The following TAF1 variants were observed in gnomAD, a reference collection of about 807,000 sequenced individuals.
TAF1 encodes the protein transcription initiation factor TFIID subunit 1.
TAF1 carries 2 observed loss-of-function variants against 138.5 expected under a neutral mutation model. The ratio of observed to expected loss-of-function variants is 0.01; its 90% CI spans 0.01 to 0.05. The LOEUF (loss-of-function observed/expected upper bound fraction) is 0.05, where lower values mean the gene tolerates loss of function less well. TAF1 is among the 10% of genes least tolerant of loss of function. The pLI is 1.00. For missense variants in TAF1, 709 were observed against 1,478.0 expected, an observed-to-expected ratio of 0.48 and a Z score of 8.53; for synonymous variants, 437 against 503.2, an observed-to-expected ratio of 0.87 and a Z score of 1.76.
intron 13 of TAF1, chrX:71,492,864 T>G (rs778220835): frequency 1.8e-5 from 2 of 112,578 alleles, no homozygotes; most frequent in East Asian, 5.6e-4. Flanking sequence ...TGCGAGCCGG[T>G]GTCGCGGGAC....
intron 13 of TAF1, among the ~76,000 whole-genome samples, chrX:71,507,638 G>A (rs926741981): frequency 2.7e-5 from 3 of 110,603 alleles, no homozygotes; most frequent in Non-Finnish European, 5.7e-5. Context: ...TAGAGTTTCA[G>A]GGGAGGGGTT....
chrX:71,441,224 G>A (rs951922882), intron 32 of TAF1, among the ~76,000 whole-genome samples: 1 of 109,609 alleles, frequency 9.1e-6, no homozygotes, highest in African/African-American at 3.3e-5. Flanking sequence ...CATTTCTTTG[G>A]CCCAGTTTTT....
chrX:71,404,000 G>C (rs1055595826), intron 25 of TAF1, among the ~76,000 whole-genome samples: 30 of 106,458 alleles, frequency 2.8e-4, no homozygotes, highest in African/African-American at 8.9e-4. Context: ...TCGAGACAGA[G>C]TCTTCCTCCT....
Position 71,463,821 on chromosome X carries a change from C to T in TAF1, c.5400-3C>T, listed in dbSNP as rs1187788519. 2 of 1,208,476 alleles carry T rather than the reference C, an allele frequency of 1.7e-6. No homozygotes were observed. Among genetic ancestry groups the T allele is most frequent in the Non-Finnish European group, 2.2e-6 (2 of 894,092 alleles). On this transcript the variant is annotated splice_polypyrimidine_tract_variant and splice_region_variant and intron_variant, in intron 37 of 37. Coordinates refer to ENST00000423759, the MANE Select transcript of TAF1 (RefSeq NM_004606.5). ...TTGAGAGATGACATGTTTCTCTTCT[C>T]AGTTATGGGAGCTATGAGGAGCCTG...
chrX:71,375,075 CAAA>C (rs377394790), intron 3 of TAF1, 89 bp from the exon 4 acceptor site: 329 of 911,660 alleles, frequency 3.6e-4, no homozygotes, highest in Middle Eastern at 9.1e-4. Context: ...GACTCTGTCT[CAAA>C]AAAAAAAAAA....
chrX:71,421,303 C>T lies in TAF1; in HGVS notation c.4385-6C>T. 1 of 1,203,485 alleles carries T rather than the reference C, an allele frequency of 8.3e-7. No homozygotes were observed. On this transcript the variant is annotated splice_polypyrimidine_tract_variant and splice_region_variant and intron_variant, in intron 28 of 37. Coordinates refer to ENST00000423759, the MANE Select transcript of TAF1 (RefSeq NM_004606.5). ...AGTGGTTTCATCTCTTTCTGTTCCT[C>T]TACAGGGCCAAAACACTCATTGACT... is the stretch of plus-strand genomic sequence containing the variant.
intron 4 of TAF1, among the ~76,000 whole-genome samples, chrX:71,375,962 T>C (rs1377878846): frequency 8.9e-6 from 1 of 112,725 alleles, no homozygotes; most frequent in Non-Finnish European, 1.9e-5. Flanking sequence ...AGTGGTTAAA[T>C]TAGGAAGGTG....
intron 2 of TAF1, 28 bp downstream of exon 2, chrX:71,367,641 G>A: frequency 8.4e-7 from 1 of 1,193,990 alleles, no homozygotes; most frequent in Non-Finnish European, 1.1e-6. Flanking sequence ...GGGAGTAGGC[G>A]GGGGAGGAGG....
At chrX:71,406,326 CA>C (rs1173763080) in intron 25 of TAF1, among the ~76,000 whole-genome samples, 1,293 of 31,431 alleles carry the variant, frequency 0.041, 18 homozygotes, top group African/African-American at 0.12. Flanking sequence ...AACTACATCT[CA>C]AAAAAAAAAA....
chrX:71,407,499 T>G, intron 26 of TAF1, 75 bp from the exon 27 acceptor site: 11 of 950,463 alleles, frequency 1.2e-5, no homozygotes, highest in South Asian at 2.0e-5. Flanking sequence ...ATTACAGGTG[T>G]GAGCTACTGT....
intron 8 of TAF1, among the ~76,000 whole-genome samples, chrX:71,379,970 A>G (rs1261521302): frequency 1.8e-5 from 2 of 110,285 alleles, no homozygotes; most frequent in Non-Finnish European, 3.8e-5. Context: ...GTCCCTTTGT[A>G]TTTAGAATTC....
intron 24 of TAF1, among the ~76,000 whole-genome samples, chrX:71,399,830 CA>C (rs1471024168): frequency 2.3e-4 from 25 of 109,944 alleles, no homozygotes; most frequent in Non-Finnish European, 3.6e-4. Context: ...CTTCCCGTTT[CA>C]AGCGGCAATC....
intron 13 of TAF1, among the ~76,000 whole-genome samples, chrX:71,501,581 G>A (rs2039509151): frequency 9.0e-6 from 1 of 111,518 alleles, no homozygotes. Context: ...TCCGCTCATG[G>A]CTACAGGGTC....
rs750301670 is a variant in TAF1 at position 71,387,295 on chromosome X, A to G, written c.2261A>G (p.Tyr754Cys). The G allele has an allele frequency of 8.3e-7, 1 of 1,210,287 alleles. No individual in the cohort carries two copies. Among genetic ancestry groups the G allele is most frequent in the African/African-American group, 1.7e-5 (1 of 57,269 alleles). Residue 754 changes from tyrosine (Y) to cysteine (C), a missense_variant, in exon 15 of 38, where the codon TAT (tyrosine) becomes TGT (cysteine). Transcript: ENST00000423759. ...AACAACCTTTTTCGTGCTCCAATTT[A>G]TCTTCATAAGATGCCAGAAACTGAT... ...FENNLFRAPIYLHKMPETDFL... is the reference protein window; with the variant it reads ...FENNLFRAPICLHKMPETDFL...
chrX:71,419,277 T>G (rs762063090), intron 28 of TAF1, among the ~76,000 whole-genome samples: 24 of 109,554 alleles, frequency 2.2e-4, no homozygotes, highest in Middle Eastern at 4.7e-3. Flanking sequence ...AAAAAAAAAT[T>G]CCCACCCCTG....
intron 32 of TAF1, among the ~76,000 whole-genome samples, chrX:71,435,634 G>C (rs1417278524): frequency 8.9e-6 from 1 of 111,794 alleles, no homozygotes; most frequent in Non-Finnish European, 1.9e-5. Context: ...TCTGAAAACA[G>C]TTGTTTCATT....
At chrX:71,496,202 G>A (rs959880607) in intron 13 of TAF1, among the ~76,000 whole-genome samples, 1 of 112,268 alleles carries the variant, frequency 8.9e-6, no homozygotes, top group Non-Finnish European at 1.9e-5. Flanking sequence ...TGTCCTGAAG[G>A]GAGTTCCTCC....
At chrX:71,426,695 A>G (rs1198589093) in intron 32 of TAF1, among the ~76,000 whole-genome samples, 1 of 108,991 alleles carries the variant, frequency 9.2e-6, no homozygotes, top group African/African-American at 3.3e-5. Flanking sequence ...AGCCTGGGCA[A>G]CAAGAGTGAA....
At position 71,403,992 on chromosome X, in the gene TAF1, G is replaced by T. The variant is rs938208221; in HGVS notation, c.3998+2253G>T. 2.9e-5 allele frequency among the ~76,000 whole-genome samples: 3 copies of T among 104,063 alleles called. No homozygotes were observed. In the Admixed American group the frequency reaches 3.2e-4, roughly 11 times the overall value. 90.4% of individuals were successfully genotyped at this position (104,063 alleles called of 115,157 possible). A position where few individuals can be genotyped will look rare whatever the true frequency, so the allele number is the denominator to read the frequency against. On this transcript the variant is annotated intron_variant, in intron 25 of 37. Coordinates refer to ENST00000423759, the MANE Select transcript of TAF1 (RefSeq NM_004606.5). Reference sequence around the variant, plus strand: ...ACAAGATGTTTTTGTGTTTTTTCTCGAGACAGAGTCTTCCTCCTTTGCCCA... The same window carrying T: ...ACAAGATGTTTTTGTGTTTTTTCTCTAGACAGAGTCTTCCTCCTTTGCCCA...
Sources: gnomAD v4.1 joint callset for allele counts (sites outside exome capture counted in the v4.1 genomes callset) on GRCh38, gnomAD v4.1.1 for gene constraint, MANE v1.5 for transcripts, NCBI Gene and HGNC (gene_info 2026-07-23, HGNC 2026-07-21) for gene names.